The following POFUT3 variants were observed in gnomAD, a reference collection of about 807,000 sequenced individuals.
POFUT3 encodes protein O-fucosyltransferase 3.
At chr8:33,436,749 C>T in the POFUT3 span, 311,665 of 604,682 alleles carry the variant, frequency 0.52, 82,142 homozygotes, top group Non-Finnish European at 0.56. Flanking sequence ...CCTTGCAGCA[C>T]GGACGCTTCT....
the POFUT3 span, among the ~76,000 whole-genome samples, chr8:33,466,905 G>A: frequency 2.6e-5 from 4 of 152,138 alleles, no homozygotes; most frequent in African/African-American, 9.7e-5. Context: ...AGGAGTTCGA[G>A]ACCAGCCCGA....
chr8:33,416,952 GT>G, the POFUT3 span, among the ~76,000 whole-genome samples: 4 of 152,242 alleles, frequency 2.6e-5, no homozygotes, highest in South Asian at 8.3e-4. Flanking sequence ...TAGAACAGGG[GT>G]CCCCAACCCC....
chr8:33,404,310 C>G, the POFUT3 span, among the ~76,000 whole-genome samples: 1 of 149,786 alleles, frequency 6.7e-6, no homozygotes, highest in Non-Finnish European at 1.5e-5. Flanking sequence ...TGCACTCCAG[C>G]CTGGGTGACA....
chr8:33,418,053 C>G, the POFUT3 span, among the ~76,000 whole-genome samples: 13 of 152,182 alleles, frequency 8.5e-5, no homozygotes, highest in Non-Finnish European at 1.3e-4. Flanking sequence ...GGGGTCCAAC[C>G]CACGCCCAAA....
the POFUT3 span, among the ~76,000 whole-genome samples, chr8:33,457,384 T>C: frequency 2.6e-5 from 4 of 152,132 alleles, no homozygotes; most frequent in Non-Finnish European, 5.9e-5. Context: ...TAATCTCAGC[T>C]ACTTGGGAGG....
At chr8:33,396,712 G>A in the POFUT3 span, among the ~76,000 whole-genome samples, 1 of 152,296 alleles carries the variant, frequency 6.6e-6, no homozygotes, top group East Asian at 1.9e-4. Context: ...GTACTGTGCT[G>A]TAAATTCCTT....
the POFUT3 span, among the ~76,000 whole-genome samples, chr8:33,456,959 C>T: frequency 6.6e-6 from 1 of 151,658 alleles, no homozygotes; most frequent in Admixed American, 6.6e-5. Context: ...TTAGTAGAGA[C>T]GGGGTTTCAC....
chr8:33,328,541 T>C, the POFUT3 span, among the ~76,000 whole-genome samples: 5 of 152,164 alleles, frequency 3.3e-5, no homozygotes, highest in South Asian at 1.0e-3. Context: ...AAGACTGGTC[T>C]CTGGGCACAG....
chr8:33,456,511 C>T, the POFUT3 span, among the ~76,000 whole-genome samples: 1 of 151,946 alleles, frequency 6.6e-6, no homozygotes, highest in Non-Finnish European at 1.5e-5. Flanking sequence ...ACGCAGGCCA[C>T]CACGCCCTGC....
chr8:33,352,297 A>G, the POFUT3 span, among the ~76,000 whole-genome samples: 1 of 152,220 alleles, frequency 6.6e-6, no homozygotes, highest in African/African-American at 2.4e-5. Flanking sequence ...TAGAAACAAA[A>G]TGTGCACCAC....
At chr8:33,405,203 G>T in the POFUT3 span, among the ~76,000 whole-genome samples, 9 of 151,928 alleles carry the variant, frequency 5.9e-5, no homozygotes, top group South Asian at 2.1e-4. Flanking sequence ...CTTGGCAGGA[G>T]AATCACTTGA....
the POFUT3 span, chr8:33,436,508 T>A: frequency 8.2e-7 from 1 of 1,214,402 alleles, no homozygotes; most frequent in Non-Finnish European, 1.2e-6. Context: ...TCCACACTGA[T>A]GTTTACCCCA....
chr8:33,318,193 C>A, the POFUT3 span, among the ~76,000 whole-genome samples: 1 of 151,758 alleles, frequency 6.6e-6, no homozygotes, highest in Non-Finnish European at 1.5e-5. Context: ...AGTGCTTAGG[C>A]TTATTTTATT....
the POFUT3 span, chr8:33,453,417 G>A: frequency 0.011 from 17,784 of 1,614,024 alleles, 485 homozygotes; most frequent in African/African-American, 0.1. Flanking sequence ...AATGAATTAA[G>A]ATGCGTAGGT....
the POFUT3 span, among the ~76,000 whole-genome samples, chr8:33,354,185 T>C: frequency 4.2e-4 from 64 of 152,310 alleles, no homozygotes; most frequent in African/African-American, 1.5e-3. Flanking sequence ...AACCACATCA[T>C]ATTTGTCAGG....
the POFUT3 span, chr8:33,371,347 C>T: frequency 3.9e-5 from 6 of 152,178 alleles, no homozygotes; most frequent in East Asian, 9.6e-4. Flanking sequence ...CTAATGAAGA[C>T]GCTGCTCACT....
chr8:33,413,499 T>C, the POFUT3 span, among the ~76,000 whole-genome samples: 2 of 152,158 alleles, frequency 1.3e-5, no homozygotes, highest in Non-Finnish European at 2.9e-5. Context: ...GGACTATCCC[T>C]ACCTCCAAAA....
At chr8:33,426,977 G>A in the POFUT3 span, among the ~76,000 whole-genome samples, 1 of 152,170 alleles carries the variant, frequency 6.6e-6, no homozygotes, top group African/African-American at 2.4e-5. Context: ...TTATTCCAGA[G>A]AGTACCAGTG....
At chr8:33,434,493 G>A in the POFUT3 span, among the ~76,000 whole-genome samples, 2 of 152,160 alleles carry the variant, frequency 1.3e-5, no homozygotes, top group Non-Finnish European at 2.9e-5. Flanking sequence ...ACTACTGATT[G>A]CTCTTTCATG....
Sources: allele counts gnomAD v4.1 joint callset (sites outside exome capture counted in the v4.1 genomes callset), GRCh38; gene constraint gnomAD v4.1.1; transcripts MANE v1.5; gene names NCBI Gene and HGNC (gene_info 2026-07-23, HGNC 2026-07-21).